The following UBE2G1 variants were observed in gnomAD, a reference collection of about 807,000 sequenced individuals.
UBE2G1 encodes ubiquitin conjugating enzyme E2 G1.
UBE2G1 carries 5 observed loss-of-function variants against 22.7 expected under a neutral mutation model. That is an observed-to-expected ratio of 0.22 (90% CI 0.12 to 0.46). The LOEUF (loss-of-function observed/expected upper bound fraction) is 0.46, where lower values mean the gene tolerates loss of function less well. UBE2G1 is among the 20% of genes least tolerant of loss of function. The pLI is 0.99. For synonymous variants in UBE2G1, 74 were observed against 67.5 expected, an observed-to-expected ratio of 1.10 and a Z score of -0.47; for missense variants, 88 against 203.9, an observed-to-expected ratio of 0.43 and a Z score of 3.46.
At chr17:4,334,663 C>T (rs1347333603) in intron 1 of UBE2G1, among the ~76,000 whole-genome samples, 1 of 152,072 alleles carries the variant, frequency 6.6e-6, no homozygotes, top group Non-Finnish European at 1.5e-5. Context: ...CCTCAGCCTC[C>T]CGAGTAGCTA....
intron 1 of UBE2G1, among the ~76,000 whole-genome samples, chr17:4,315,338 G>T (rs1213426526): frequency 1.3e-5 from 2 of 151,924 alleles, no homozygotes; most frequent in African/African-American, 2.4e-5. Flanking sequence ...CAGTATTGTC[G>T]ATCATTATGT....
intron 1 of UBE2G1, among the ~76,000 whole-genome samples, chr17:4,312,556 C>A (rs912240997): frequency 2.6e-5 from 4 of 151,212 alleles, no homozygotes; most frequent in African/African-American, 9.7e-5. Context: ...ATTAGCCGGG[C>A]GTGGTGGCGG....
intron 5 of UBE2G1, among the ~76,000 whole-genome samples, chr17:4,277,917 A>G (rs1567513284): frequency 6.9e-6 from 1 of 145,248 alleles, no homozygotes; most frequent in African/African-American, 2.5e-5. Context: ...TATCTTTTAC[A>G]TTTTTTTTTT....
chr17:4,341,422 A>G (rs1022427012), intron 1 of UBE2G1, among the ~76,000 whole-genome samples: 2 of 151,994 alleles, frequency 1.3e-5, no homozygotes, highest in Non-Finnish European at 2.9e-5. Flanking sequence ...AGGCTTCCAA[A>G]CTGGCCAGTA....
At chr17:4,354,223 T>C (rs895396920) in intron 1 of UBE2G1, among the ~76,000 whole-genome samples, 1 of 152,188 alleles carries the variant, frequency 6.6e-6, no homozygotes, top group Admixed American at 6.6e-5. Flanking sequence ...ACCAGACTGG[T>C]AGAAGCCAGC....
At chr17:4,347,469 C>CTTTTTCTTTT (rs1644069509) in intron 1 of UBE2G1, among the ~76,000 whole-genome samples, 1 of 89,530 alleles carries the variant, frequency 1.1e-5, no homozygotes, top group South Asian at 4.2e-4. Flanking sequence ...AGTATTTCTT[C>CTTTTTCTTTT]TTTTTTTTTT....
intron 1 of UBE2G1, among the ~76,000 whole-genome samples, chr17:4,350,566 T>C (rs990647659): frequency 6.6e-6 from 1 of 152,062 alleles, no homozygotes; most frequent in Non-Finnish European, 1.5e-5. Context: ...CTGAACAGTG[T>C]CAGTCTCCAA....
At chr17:4,356,172 G>C (rs1969904194) in intron 1 of UBE2G1, among the ~76,000 whole-genome samples, 1 of 148,806 alleles carries the variant, frequency 6.7e-6, no homozygotes, top group Non-Finnish European at 1.5e-5. Flanking sequence ...CCTGACCAAC[G>C]TGGAGAAACC....
rs114874688 is a variant in UBE2G1 at position 4,332,725 on chromosome 17, G to A, written c.47-25602C>T. Among the ~76,000 whole-genome samples, 472 of 152,082 alleles carry A rather than the reference G, an allele frequency of 3.1e-3. 3 individuals carry two copies. The highest frequency in any genetic ancestry group is 0.011 in the African/African-American group (442 of 41,490). On this transcript the variant is annotated intron_variant, in intron 1 of 5. Coordinates refer to ENST00000396981, the MANE Select transcript of UBE2G1 (RefSeq NM_003342.5). ...ATCTCTCTCCAACCTTCAGCTAACC[G>A]CTCTGCCACCTCCCTCCAGCGTTCA...
chr17:4,281,362 A>T (rs979190941), intron 5 of UBE2G1, among the ~76,000 whole-genome samples: 1 of 152,252 alleles, frequency 6.6e-6, no homozygotes, highest in African/African-American at 2.4e-5. Context: ...TGGTAAAATT[A>T]TGAAGAAAAG....
At chr17:4,288,473 G>A (rs954770187) in intron 4 of UBE2G1, among the ~76,000 whole-genome samples, 1 of 152,010 alleles carries the variant, frequency 6.6e-6, no homozygotes, top group African/African-American at 2.4e-5. Context: ...TGATCCACCC[G>A]CCTCGGCCTC....
intron 1 of UBE2G1, among the ~76,000 whole-genome samples, chr17:4,361,368 A>G (rs1034963744): frequency 1.3e-5 from 2 of 151,886 alleles, no homozygotes; most frequent in Non-Finnish European, 2.9e-5. Context: ...CTCTACTAAA[A>G]ATACAAAAAT....
chr17:4,297,791 C>T (rs1295667217), intron 2 of UBE2G1, among the ~76,000 whole-genome samples: 1 of 152,196 alleles, frequency 6.6e-6, no homozygotes, highest in Non-Finnish European at 1.5e-5. Flanking sequence ...AGTACATTGA[C>T]CTCTTTAAAT....
intron 1 of UBE2G1, among the ~76,000 whole-genome samples, chr17:4,312,658 T>A (rs1211733142): frequency 7.6e-6 from 1 of 131,766 alleles, no homozygotes; most frequent in Non-Finnish European, 1.5e-5. Context: ...ATCGCGCCAC[T>A]GCACTCCAGC....
At chr17:4,318,992 G>A (rs928247375) in intron 1 of UBE2G1, among the ~76,000 whole-genome samples, 1 of 152,068 alleles carries the variant, frequency 6.6e-6, no homozygotes, top group Non-Finnish European at 1.5e-5. Context: ...AGACCTTAAA[G>A]GAAAGTGAAA....
intron 1 of UBE2G1, 137 bp downstream of exon 1, chr17:4,366,134 G>T: frequency 1.1e-6 from 1 of 886,618 alleles, no homozygotes; most frequent in Non-Finnish European, 1.6e-6. Flanking sequence ...GGCCGGGACC[G>T]GAGCCTCGAG....
chr17:4,290,820 T>C (rs901160173), intron 3 of UBE2G1, among the ~76,000 whole-genome samples: 3 of 150,250 alleles, frequency 2.0e-5, no homozygotes, highest in African/African-American at 7.4e-5. Flanking sequence ...AGTCTTACTA[T>C]ATTGCCCAGG....
At chr17:4,292,111 G>A (rs897281039) in intron 3 of UBE2G1, among the ~76,000 whole-genome samples, 23 of 151,950 alleles carry the variant, frequency 1.5e-4, no homozygotes, top group Middle Eastern at 3.4e-3. Flanking sequence ...TGAGGCGGGC[G>A]GATCACCTGA....
chr17:4,316,516 T>C (rs539154119), intron 1 of UBE2G1, among the ~76,000 whole-genome samples: 1 of 152,132 alleles, frequency 6.6e-6, no homozygotes, highest in South Asian at 2.1e-4. Context: ...TTCCATTAAT[T>C]AATACTGAAA....
Sources: allele counts gnomAD v4.1 joint callset (sites outside exome capture counted in the v4.1 genomes callset), GRCh38; gene constraint gnomAD v4.1.1; transcripts MANE v1.5; gene names NCBI Gene and HGNC (gene_info 2026-07-23, HGNC 2026-07-21).